Variants in PRDM15 observed in about 807,000 individuals in gnomAD.
The protein encoded by PRDM15 is PR domain zinc finger protein 15.
Under a neutral mutation model 128.6 loss-of-function variants are expected in PRDM15, and 64 were observed. The observed-to-expected ratio is 0.50, with a 90% CI of 0.41 to 0.61. The LOEUF (loss-of-function observed/expected upper bound fraction) is 0.61, where lower values mean the gene tolerates loss of function less well. Among genes scored for constraint, PRDM15 ranks in the 20% least tolerant of loss-of-function variants. PRDM15 has a pLI of 0.00. For synonymous variants in PRDM15, 615 were observed against 621.8 expected (o/e 0.99, Z 0.16); for missense variants, 1,242 against 1,569.1 (o/e 0.79, Z 3.52).
chr21:41,854,505 C>G lies in PRDM15; in HGVS notation c.538+61G>C. ...GTGGGGTCAGCACAGAGCCAAGGGACCATAACCCCTTCGGCGAGGCACAAG... is the reference window on the plus strand; with the variant it reads ...GTGGGGTCAGCACAGAGCCAAGGGAGCATAACCCCTTCGGCGAGGCACAAG... On this transcript the variant is annotated intron_variant, in intron 5 of 23. Coordinates refer to ENST00000398548, the MANE Select transcript of PRDM15 (RefSeq NM_001040424.3). The surrounding 1 kb of genome is among the most constrained non-coding windows in gnomAD (Gnocchi z 4.6). The G allele has an allele frequency of 1.9e-6, 3 of 1,594,328 alleles. No homozygotes were observed. The highest frequency in any genetic ancestry group is 2.2e-5 in the South Asian group (2 of 89,718).
At chr21:41,814,053 G>C (rs9984841) in intron 19 of PRDM15, 1 of 116,590 alleles carries the variant, frequency 8.6e-6, no homozygotes, top group Non-Finnish European at 1.9e-5. Flanking sequence ...ATTGCGCAGG[G>C]TGCTCTAGTG....
At position 41,810,888 on chromosome 21, in the gene PRDM15, C is replaced by T. The variant is rs2061842661; in HGVS notation, c.2393-52G>A. 1 of 1,524,744 alleles carries T rather than the reference C, an allele frequency of 6.6e-7. No homozygotes were observed. The highest frequency in any genetic ancestry group is 9.1e-7 in the Non-Finnish European group (1 of 1,099,220). 94.5% of individuals were successfully genotyped at this position (1,524,744 alleles called of 1,614,324 possible). A position where few individuals can be genotyped will look rare whatever the true frequency, so the allele number is the denominator to read the frequency against. ...CTACGTTTAATGAGTGTTGTAAGTC[C>T]ACATCAGGGCATGTCTTCTCCCTGA... On this transcript the variant is annotated intron_variant, in intron 19 of 23. Transcript: ENST00000398548. The surrounding 1 kb of genome is among the most constrained non-coding windows in gnomAD (Gnocchi z 6.4).
At chr21:41,825,431 C>T (rs2062434105) in intron 13 of PRDM15, among the ~76,000 whole-genome samples, 1 of 152,256 alleles carries the variant, frequency 6.6e-6, no homozygotes, top group Non-Finnish European at 1.5e-5. Context: ...GATGGATGTG[C>T]TCCCATGGAT....
chr21:41,856,345 C>G (rs887378794), intron 4 of PRDM15, among the ~76,000 whole-genome samples: 8 of 147,558 alleles, frequency 5.4e-5, no homozygotes, highest in Middle Eastern at 3.4e-3. Flanking sequence ...CTTCTTCCCC[C>G]CTTTTTGCTG....
Position 41,821,085 on chromosome 21 carries a change from G to A in PRDM15, c.2042C>T (p.Pro681Leu), listed in dbSNP as rs766187071. 12 of 1,614,214 alleles carry A rather than the reference G, an allele frequency of 7.4e-6. No individual in the cohort carries two copies. The highest frequency in any genetic ancestry group is 3.3e-4 in the Middle Eastern group (2 of 6,062). Residue 681 changes from proline to leucine, a missense_variant, in exon 16 of 24, where the codon CCG (proline) becomes CTG (leucine). Coordinates refer to ENST00000398548, the MANE Select transcript of PRDM15 (RefSeq NM_001040424.3). This position sits in a 1 kb window ranked among gnomAD's most constrained non-coding sequence, Gnocchi z 5.4. ...AHMVIHRENL[P>L]DPNVQKYIHP... Reference sequence around the variant, plus strand: ...GCCTCACTTCTGCACGTTGGGGTCCGGCAGGTTTTCACGGTGGATGACCAT... The same window carrying A: ...GCCTCACTTCTGCACGTTGGGGTCCAGCAGGTTTTCACGGTGGATGACCAT...
intron 6 of PRDM15, among the ~76,000 whole-genome samples, chr21:41,842,630 A>C (rs1056035802): frequency 2.0e-4 from 31 of 152,042 alleles, no homozygotes; most frequent in Admixed American, 1.6e-3. Context: ...AGCTGGGACT[A>C]CAAGCGTGCA....
chr21:41,818,016 C>CA (rs1467818040), intron 18 of PRDM15, among the ~76,000 whole-genome samples: 1 of 152,246 alleles, frequency 6.6e-6, no homozygotes, highest in African/African-American at 2.4e-5. Flanking sequence ...GCAGGGGACC[C>CA]AGGTGTGGCT....
intron 11 of PRDM15, among the ~76,000 whole-genome samples, chr21:41,834,087 G>A (rs930049115): frequency 2.0e-5 from 3 of 152,184 alleles, no homozygotes; most frequent in Admixed American, 6.5e-5. Flanking sequence ...TGCAGGAGGT[G>A]CGGCACACTG....
rs1393865896 is a variant in PRDM15 at position 41,832,542 on chromosome 21, T to C, written c.1366+2895A>G. On this transcript the variant is annotated intron_variant, in intron 11 of 23. Coordinates refer to ENST00000398548, the MANE Select transcript of PRDM15 (RefSeq NM_001040424.3). The surrounding 1 kb of genome is among the most constrained non-coding windows in gnomAD (Gnocchi z 4.2). ...GCCACACCTTTACAGTGCTGTGGCA[T>C]TGGATTGCCACACTCCCCTCAACCT... Among the ~76,000 whole-genome samples the C allele has an allele frequency of 6.6e-6, 1 of 152,106 alleles. No individual in the cohort carries two copies. The highest frequency in any genetic ancestry group is 2.1e-4 in the South Asian group (1 of 4,834).
At chr21:41,819,980 T>TG (rs949068258) in intron 17 of PRDM15, 115 bp downstream of exon 17, 3 of 891,914 alleles carry the variant, frequency 3.4e-6, no homozygotes, top group Non-Finnish European at 5.3e-6. Flanking sequence ...GAGGAAGGCA[T>TG]GGGGGAGGCA....
intron 12 of PRDM15, among the ~76,000 whole-genome samples, chr21:41,826,809 C>T (rs2062487402): frequency 6.6e-6 from 1 of 152,174 alleles, no homozygotes; most frequent in South Asian, 2.1e-4. Flanking sequence ...TGAGGCGCAG[C>T]TTAGACTAAG....
At chr21:41,869,878 C>T (rs1305403725) in intron 1 of PRDM15, among the ~76,000 whole-genome samples, 6 of 152,262 alleles carry the variant, frequency 3.9e-5, no homozygotes, top group Non-Finnish European at 8.8e-5. Context: ...GCACTGCTGA[C>T]TGGCTTCTGC....
chr21:41,800,530 A>G lies in PRDM15; in HGVS notation c.*710T>C, dbSNP rs2061391446. The G allele has an allele frequency of 1.3e-5, 2 of 152,190 alleles. No homozygotes were observed. Among genetic ancestry groups the G allele is most frequent in the South Asian group, 4.1e-4 (2 of 4,832 alleles). 9.4% of individuals were successfully genotyped at this position (152,190 alleles called of 1,614,324 possible). ...AAAAAAAAAAAAGGAAAAAAACTCT[A>G]TTGGAAATCGATTCATGGATATTAC... On this transcript the variant is annotated 3_prime_UTR_variant, in exon 24 of 24. Transcript: ENST00000398548.
At chr21:41,806,732 T>TCACCAC (rs2061686507) in intron 21 of PRDM15, among the ~76,000 whole-genome samples, 1 of 85,894 alleles carries the variant, frequency 1.2e-5, no homozygotes, top group Non-Finnish European at 2.3e-5. Flanking sequence ...ACCATCACCA[T>TCACCAC]CACCATACCA....
rs1384785084 is a variant in PRDM15 at position 41,801,017 on chromosome 21, A to T, written c.*223T>A. The T allele has an allele frequency of 5.7e-6, 3 of 522,030 alleles. No individual in the cohort carries two copies. Among genetic ancestry groups the T allele is most frequent in the Non-Finnish European group, 9.7e-6 (3 of 310,404 alleles). The allele number at this position is 522,030 out of a possible 1,614,324, so 32.3% of individuals were successfully genotyped here. On this transcript the variant is annotated 3_prime_UTR_variant, in exon 24 of 24. Transcript: ENST00000398548. The stretch of plus-strand genomic sequence containing the variant: ...ACTGCCTTGGTAAGGCATGGTGTGG[A>T]GCCCCATCCAGTTTAAAACTCTGGC...
At chr21:41,845,724 C>T (rs767392652) in intron 6 of PRDM15, among the ~76,000 whole-genome samples, 3 of 152,128 alleles carry the variant, frequency 2.0e-5, no homozygotes, top group African/African-American at 2.4e-5. Context: ...CCGAGTACCA[C>T]GTCTTACGTA....
chr21:41,805,921 T>C (rs2061552164), intron 21 of PRDM15, among the ~76,000 whole-genome samples: 1 of 144,478 alleles, frequency 6.9e-6, no homozygotes, highest in African/African-American at 2.6e-5. Context: ...ACCAACACTG[T>C]CACCACCATC....
chr21:41,801,745 A>G, intron 23 of PRDM15, 23 bp from the exon 24 acceptor site: 1 of 1,595,430 alleles, frequency 6.3e-7, no homozygotes, highest in Non-Finnish European at 8.6e-7. Context: ...CACACAACAA[A>G]AATCCGTTCA....
chr21:41,823,416 G>T lies in PRDM15; in HGVS notation c.1663C>A (p.Leu555Met). 1 of 1,558,998 alleles carries T rather than the reference G, an allele frequency of 6.4e-7. No individual in the cohort carries two copies. The change falls in exon 14 of 24, where the codon CTG becomes ATG. Residue 555 changes from leucine (L) to methionine (M), a missense_variant. Leu to Met is a conservative substitution (Grantham distance 15). Around this residue, in one of 3 missense-constraint regions of PRDM15, gnomAD observed 28 missense variants for 63.8 expected, o/e 0.44. Coordinates refer to ENST00000398548, the MANE Select transcript of PRDM15 (RefSeq NM_001040424.3). ...FSCRSNMNKHLLTHGDKKYTC... is the reference protein window; with the variant it reads ...FSCRSNMNKHMLTHGDKKYTC... Reference sequence around the variant, plus strand: ...TACTTCTTGTCGCCGTGGGTGAGCAGGTGCTTGTTCATATTGCTCCGGCAG... The same window carrying T: ...TACTTCTTGTCGCCGTGGGTGAGCATGTGCTTGTTCATATTGCTCCGGCAG...
Sources: gnomAD v4.1 joint callset for allele counts (sites outside exome capture counted in the v4.1 genomes callset) on GRCh38, gnomAD v4.1.1 for gene constraint, gnomAD v4.1.1 regional missense constraint, Gnocchi (gnomAD v3.1) non-coding constraint, MANE v1.5 for transcripts, NCBI Gene and HGNC (gene_info 2026-07-23, HGNC 2026-07-21) for gene names.